The following CHST11 variants were observed in gnomAD, a reference collection of about 807,000 sequenced individuals.
The protein encoded by CHST11 is C4S-1.
A neutral mutation model predicts 30.4 loss-of-function variants in CHST11; 9 were observed. The observed-to-expected ratio is 0.30, with a 90% confidence interval of 0.18 to 0.52. The LOEUF is 0.52. CHST11 is among the 20% of genes least tolerant of loss of function. The pLI, the probability that CHST11 is intolerant of heterozygous loss-of-function variation, is 0.97. For synonymous variants in CHST11, 152 were observed against 187.8 expected, an observed-to-expected ratio of 0.81 and a Z score of 1.56; for missense variants, 348 against 460.6, an observed-to-expected ratio of 0.76 and a Z score of 2.24.
intron 2 of CHST11, among the ~76,000 whole-genome samples, chr12:104,641,234 T>G (rs2039373612): frequency 6.6e-6 from 1 of 152,232 alleles, no homozygotes; most frequent in African/African-American, 2.4e-5. Context: ...TCCTCCTGGA[T>G]GCCAGACAAG....
At chr12:104,667,473 T>C (rs2039652189) in intron 2 of CHST11, among the ~76,000 whole-genome samples, 1 of 152,228 alleles carries the variant, frequency 6.6e-6, no homozygotes, top group Non-Finnish European at 1.5e-5. Flanking sequence ...TTTTGGAGTT[T>C]CATCCCAGTC....
chr12:104,517,984 C>T (rs936597364), intron 1 of CHST11, among the ~76,000 whole-genome samples: 3 of 152,114 alleles, frequency 2.0e-5, no homozygotes, highest in African/African-American at 4.8e-5. Flanking sequence ...GAGAAGTTCC[C>T]GCCTCTGAGT....
At chr12:104,553,602 T>A (rs56370708) in intron 1 of CHST11, among the ~76,000 whole-genome samples, 9,081 of 92,282 alleles carry the variant, frequency 0.098, 328 homozygotes, top group African/African-American at 0.17. Flanking sequence ...AGAGAGAGAG[T>A]GAGAACTAGG....
At chr12:104,601,855 C>T (rs769117025) in intron 1 of CHST11, 51 bp from the exon 2 acceptor site, 2 of 1,463,178 alleles carry the variant, frequency 1.4e-6, no homozygotes, top group East Asian at 2.3e-5. Context: ...CTTTGACAGA[C>T]AACAAATCTT....
At chr12:104,616,558 C>T (rs1045160569) in intron 2 of CHST11, among the ~76,000 whole-genome samples, 42 of 152,144 alleles carry the variant, frequency 2.8e-4, no homozygotes, top group African/African-American at 8.4e-4. Context: ...CTCTGCCTCC[C>T]GGGTTCAAGC....
chr12:104,672,465 A>C (rs2039705699), intron 2 of CHST11, among the ~76,000 whole-genome samples: 1 of 152,140 alleles, frequency 6.6e-6, no homozygotes, highest in African/African-American at 2.4e-5. Flanking sequence ...AGAATGAAAA[A>C]CTTTGAAGGA....
chr12:104,632,937 G>A (rs1047348939), intron 2 of CHST11, among the ~76,000 whole-genome samples: 2 of 152,256 alleles, frequency 1.3e-5, no homozygotes, highest in African/African-American at 4.8e-5. Context: ...GAGGGAAGGT[G>A]TTGGTGAAAC....
At chr12:104,649,906 C>A (rs1340007670) in intron 2 of CHST11, among the ~76,000 whole-genome samples, 3 of 152,194 alleles carry the variant, frequency 2.0e-5, no homozygotes, top group African/African-American at 7.2e-5. Context: ...ATAGACGAGG[C>A]ACACTGGCAT....
chr12:104,702,831 C>T (rs955123666), intron 2 of CHST11, among the ~76,000 whole-genome samples: 7 of 152,140 alleles, frequency 4.6e-5, no homozygotes, highest in African/African-American at 7.2e-5. Context: ...AGCGGGTCGG[C>T]GAGAGTCGAT....
At chr12:104,648,689 C>T (rs2039460906) in intron 2 of CHST11, among the ~76,000 whole-genome samples, 1 of 152,118 alleles carries the variant, frequency 6.6e-6, no homozygotes, top group African/African-American at 2.4e-5. Flanking sequence ...TGGTGTGTAC[C>T]TGTAATCCCA....
chr12:104,476,218 ATATGT>A (rs886957942), intron 1 of CHST11, among the ~76,000 whole-genome samples: 2 of 147,756 alleles, frequency 1.4e-5, no homozygotes, highest in Non-Finnish European at 1.5e-5. Context: ...AATATTACAT[ATATGT>A]TATATGTAAT....
chr12:104,616,363 T>C (rs1001909679), intron 2 of CHST11, among the ~76,000 whole-genome samples: 25 of 152,212 alleles, frequency 1.6e-4, no homozygotes, highest in Non-Finnish European at 4.4e-5. Flanking sequence ...CTCTAGGTTT[T>C]TCCTACTCAA....
At chr12:104,605,940 T>C (rs2039000395) in intron 2 of CHST11, among the ~76,000 whole-genome samples, 1 of 152,112 alleles carries the variant, frequency 6.6e-6, no homozygotes, top group Non-Finnish European at 1.5e-5. Context: ...CACAACATCA[T>C]CATGTGGTTC....
chr12:104,614,450 C>T (rs190642673), intron 2 of CHST11, among the ~76,000 whole-genome samples: 15 of 152,154 alleles, frequency 9.9e-5, no homozygotes, highest in East Asian at 3.9e-4. Context: ...GAGGCTGAGA[C>T]GGGAGGATCC....
chr12:104,475,540 C>T (rs2135956800), intron 1 of CHST11, among the ~76,000 whole-genome samples: 1 of 151,196 alleles, frequency 6.6e-6, no homozygotes, highest in Non-Finnish European at 1.5e-5. Context: ...TGATCCCTAT[C>T]TTAATAGAGC....
chr12:104,631,430 C>T (rs994465609), intron 2 of CHST11, among the ~76,000 whole-genome samples: 1 of 152,150 alleles, frequency 6.6e-6, no homozygotes, highest in African/African-American at 2.4e-5. Context: ...TATGTGCTTT[C>T]CCTCTAATGG....
rs116654317 is a variant in CHST11 at position 104,642,655 on chromosome 12, G to A, written c.204+40664G>A. Among the ~76,000 whole-genome samples the A allele has an allele frequency of 5.0e-3, 758 of 151,960 alleles. 9 individuals are homozygous for A. Among genetic ancestry groups the A allele is most frequent in the African/African-American group, 0.017 (700 of 41,458 alleles). On this transcript the variant is annotated intron_variant, in intron 2 of 2. Transcript: ENST00000303694. ...GCCCAAGCGATCCTCCTGCCTCAGC[G>A]TTCACAAGTGTTAGTATTACAGCTA...
At chr12:104,723,218 C>T (rs1566054199) in intron 2 of CHST11, among the ~76,000 whole-genome samples, 1 of 152,312 alleles carries the variant, frequency 6.6e-6, no homozygotes, top group East Asian at 1.9e-4. Flanking sequence ...TTAATACTCA[C>T]GATATCCCTA....
intron 1 of CHST11, among the ~76,000 whole-genome samples, chr12:104,543,804 T>C (rs573472879): frequency 3.3e-5 from 5 of 152,262 alleles, no homozygotes; most frequent in African/African-American, 1.2e-4. Context: ...ATTATTATAT[T>C]TTTCCCTTTA....
Sources: gnomAD v4.1 joint callset for allele counts (sites outside exome capture counted in the v4.1 genomes callset) on GRCh38, gnomAD v4.1.1 for gene constraint, MANE v1.5 for transcripts, NCBI Gene and HGNC (gene_info 2026-07-23, HGNC 2026-07-21) for gene names.